Variants in ATRNL1 observed in about 807,000 individuals in gnomAD.
ATRNL1 encodes attractin like 1.
Under a neutral mutation model 182.7 loss-of-function variants are expected in ATRNL1, and 95 were observed. That is an observed-to-expected ratio of 0.52 (90% CI 0.44 to 0.62). The LOEUF (loss-of-function observed/expected upper bound fraction) is 0.62, where lower values mean the gene tolerates loss of function less well. Ranked by LOEUF, ATRNL1 falls within the 20% of genes least tolerant of loss-of-function variation. The probability of loss-of-function intolerance (pLI) is 0.00; values close to 1 mark genes in which losing one functional copy is unlikely to be tolerated. For missense variants in ATRNL1, 1,471 were observed against 1,679.5 expected (o/e 0.88, Z 2.17); for synonymous variants, 576 against 568.3 (o/e 1.01, Z -0.19).
intron 28 of ATRNL1, among the ~76,000 whole-genome samples, chr10:115,893,289 T>G (rs1171458212): frequency 6.6e-6 from 1 of 152,152 alleles, no homozygotes; most frequent in Non-Finnish European, 1.5e-5. Context: ...TATGGAGAAG[T>G]TGATAGTCTA....
chr10:115,835,932 C>T (rs1485850344), intron 27 of ATRNL1, among the ~76,000 whole-genome samples: 1 of 152,214 alleles, frequency 6.6e-6, no homozygotes, highest in Non-Finnish European at 1.5e-5. Flanking sequence ...AGGTGAACTT[C>T]TCCCTCTGCC....
chr10:115,263,522 T>A (rs1554909383), intron 10 of ATRNL1, among the ~76,000 whole-genome samples: 2 of 151,856 alleles, frequency 1.3e-5, no homozygotes, highest in African/African-American at 4.8e-5. Context: ...TTTACCTTCA[T>A]GTAGGTCTGA....
chr10:115,554,368 A>G (rs1853187569), intron 26 of ATRNL1, among the ~76,000 whole-genome samples: 1 of 151,636 alleles, frequency 6.6e-6, no homozygotes, highest in African/African-American at 2.4e-5. Context: ...ACATAAATTT[A>G]CTTTAAAATA....
chr10:115,741,784 A>G (rs1948146372), intron 27 of ATRNL1, among the ~76,000 whole-genome samples: 1 of 152,206 alleles, frequency 6.6e-6, no homozygotes, highest in Non-Finnish European at 1.5e-5. Flanking sequence ...GGGAGGGGTC[A>G]GAAGGTTGGG....
rs199771733 is a variant in ATRNL1, at chr10:115,459,552, AATAAATTTTG to A, written c.3323-2388_3323-2379del. Among the ~76,000 whole-genome samples the A allele has an allele frequency of 4.3e-3, 651 of 152,136 alleles. 4 individuals are homozygous for A. The highest frequency in any genetic ancestry group is 0.015 in the African/African-American group (616 of 41,518). On this transcript the variant is annotated intron_variant, in intron 21 of 28. Transcript: ENST00000355044. The stretch of plus-strand genomic sequence containing the variant: ...TATTAGGAAGAGGAAATTCCCACCT[AATAAATTTTG>A]GTCAGACTGGTTGATCTCACCCTGT...
chr10:115,650,474 G>A (rs1005431712), intron 26 of ATRNL1, among the ~76,000 whole-genome samples: 1 of 152,036 alleles, frequency 6.6e-6, no homozygotes. Flanking sequence ...AATGATTATG[G>A]AGGTATCAAA....
intron 25 of ATRNL1, among the ~76,000 whole-genome samples, chr10:115,524,915 G>A (rs1261767906): frequency 6.6e-6 from 1 of 152,120 alleles, no homozygotes; most frequent in Non-Finnish European, 1.5e-5. Context: ...ATGTCTAATG[G>A]TAGTCAAAAT....
chr10:115,753,650 C>T (rs2091041107), intron 27 of ATRNL1, among the ~76,000 whole-genome samples: 1 of 152,278 alleles, frequency 6.6e-6, no homozygotes, highest in East Asian at 1.9e-4. Context: ...GTGCATGTGT[C>T]TTTATAGTCG....
intron 12 of ATRNL1, among the ~76,000 whole-genome samples, chr10:115,267,269 T>G (rs1851646905): frequency 6.6e-6 from 1 of 150,920 alleles, no homozygotes; most frequent in Non-Finnish European, 1.5e-5. Context: ...TGAATTATTT[T>G]CTAATATAAG....
chr10:115,352,803 G>A (rs1437099232), intron 19 of ATRNL1, among the ~76,000 whole-genome samples: 5 of 152,136 alleles, frequency 3.3e-5, no homozygotes, highest in African/African-American at 1.2e-4. Context: ...GGGAGGCTGA[G>A]GCAGGAGAAT....
intron 6 of ATRNL1, among the ~76,000 whole-genome samples, chr10:115,162,382 C>T (rs370233115): frequency 3.3e-5 from 5 of 151,748 alleles, no homozygotes; most frequent in African/African-American, 7.3e-5. Context: ...TATTTGTAGG[C>T]GCAGAAAAGA....
At chr10:115,379,032 G>GT (rs200009361) in intron 19 of ATRNL1, among the ~76,000 whole-genome samples, 2,160 of 150,392 alleles carry the variant, frequency 0.014, 24 homozygotes, top group South Asian at 0.056. Context: ...TTTCTAAAGT[G>GT]TTTTTTTTTA....
intron 26 of ATRNL1, among the ~76,000 whole-genome samples, chr10:115,591,634 G>A (rs1555012288): frequency 6.6e-6 from 1 of 152,166 alleles, no homozygotes; most frequent in African/African-American, 2.4e-5. Flanking sequence ...TATTCGTGGA[G>A]CATTGTCTCC....
chr10:115,749,452 T>C (rs1232892330), intron 27 of ATRNL1, among the ~76,000 whole-genome samples: 2 of 151,862 alleles, frequency 1.3e-5, no homozygotes, highest in African/African-American at 4.8e-5. Flanking sequence ...ATAGTTTTCA[T>C]TATATATTAG....
intron 28 of ATRNL1, among the ~76,000 whole-genome samples, chr10:115,922,733 C>T (rs73365746): frequency 0.03 from 4,614 of 152,102 alleles, 200 homozygotes; most frequent in African/African-American, 0.1. Flanking sequence ...TATGTAGTAG[C>T]GTAAGAACAT....
chr10:115,370,652 G>C (rs577771854), intron 19 of ATRNL1, among the ~76,000 whole-genome samples: 1 of 152,336 alleles, frequency 6.6e-6, no homozygotes, highest in African/African-American at 2.4e-5. Flanking sequence ...TTCAAGAAGT[G>C]ACTTGGGTGC....
chr10:115,665,030 C>A (rs1459729114), intron 26 of ATRNL1, among the ~76,000 whole-genome samples: 14 of 152,048 alleles, frequency 9.2e-5, no homozygotes, highest in African/African-American at 3.4e-4. Context: ...GTTGTTACTA[C>A]CTGGTCATTT....
At chr10:115,454,790 T>G (rs1847443593) in intron 21 of ATRNL1, among the ~76,000 whole-genome samples, 1 of 152,138 alleles carries the variant, frequency 6.6e-6, no homozygotes, top group Admixed American at 6.6e-5. Context: ...CAGATTTTTG[T>G]GTTTGTGTGT....
intron 27 of ATRNL1, among the ~76,000 whole-genome samples, chr10:115,805,808 A>G (rs1949908235): frequency 6.6e-6 from 1 of 152,150 alleles, no homozygotes; most frequent in South Asian, 2.1e-4. Context: ...TCCCAATAAT[A>G]ACCTTAAATC....
Sources: gnomAD v4.1 joint callset for allele counts (sites outside exome capture counted in the v4.1 genomes callset) on GRCh38, gnomAD v4.1.1 for gene constraint, MANE v1.5 for transcripts, NCBI Gene and HGNC (gene_info 2026-07-23, HGNC 2026-07-21) for gene names.